The following EYS variants were observed in gnomAD, a reference collection of about 807,000 sequenced individuals.
The protein encoded by EYS is EGF-like photoreceptor maintenance factor, also known as protein eyes shut homolog.
A neutral mutation model predicts 282.1 loss-of-function variants in EYS; 250 were observed. The ratio of observed to expected loss-of-function variants is 0.89; its 90% CI spans 0.80 to 0.98. The LOEUF is 0.98. Ranked by LOEUF, EYS falls within the 50% of genes least tolerant of loss-of-function variation. The probability of loss-of-function intolerance (pLI) is 0.00; values close to 1 mark genes in which losing one functional copy is unlikely to be tolerated. For missense variants in EYS, 4,016 were observed against 3,709.0 expected (o/e 1.08, Z -2.15); for synonymous variants, 1,355 against 1,282.9 (o/e 1.06, Z -1.20).
At chr6:63,810,723 G>A (rs1470873266) in intron 36 of EYS, among the ~76,000 whole-genome samples, 2 of 152,168 alleles carry the variant, frequency 1.3e-5, no homozygotes, top group African/African-American at 4.8e-5. Context: ...CAATTCAAGT[G>A]GGCAAACCTC....
chr6:64,561,548 C>T (rs1765394424), intron 26 of EYS, among the ~76,000 whole-genome samples: 1 of 151,906 alleles, frequency 6.6e-6, no homozygotes, highest in African/African-American at 2.4e-5. Flanking sequence ...AACCAAGAAC[C>T]ATATCAGATA....
At chr6:64,541,687 G>T (rs1764699188) in intron 26 of EYS, among the ~76,000 whole-genome samples, 1 of 151,966 alleles carries the variant, frequency 6.6e-6, no homozygotes. Context: ...TTCAGGAAAG[G>T]TTCTTTTTCC....
chr6:65,651,118 T>A (rs1231401165), intron 1 of EYS, among the ~76,000 whole-genome samples: 1 of 152,012 alleles, frequency 6.6e-6, no homozygotes, highest in African/African-American at 2.4e-5. Flanking sequence ...GTGGCAAAAG[T>A]CTTAGAGAAT....
intron 12 of EYS, among the ~76,000 whole-genome samples, chr6:65,059,626 G>C (rs145128818): frequency 2.0e-5 from 3 of 152,122 alleles, no homozygotes; most frequent in African/African-American, 7.2e-5. Flanking sequence ...AAGAGGCAAA[G>C]AAAGAATTTA....
At chr6:65,198,198 C>T (rs536807824) in intron 12 of EYS, among the ~76,000 whole-genome samples, 1 of 152,170 alleles carries the variant, frequency 6.6e-6, no homozygotes, top group Admixed American at 6.6e-5. Flanking sequence ...ATATCACTGT[C>T]TTCTACCGCC....
chr6:64,219,922 A>G (rs1443289982), intron 31 of EYS, among the ~76,000 whole-genome samples: 1 of 152,070 alleles, frequency 6.6e-6, no homozygotes, highest in African/African-American at 2.4e-5. Flanking sequence ...TCAGCAAACT[A>G]CTGCAAGCAC....
chr6:65,536,145 A>C (rs1377912408), intron 2 of EYS, among the ~76,000 whole-genome samples: 2 of 152,100 alleles, frequency 1.3e-5, no homozygotes, highest in East Asian at 3.9e-4. Context: ...TAAATAGATA[A>C]ATTTGAGAAT....
intron 33 of EYS, among the ~76,000 whole-genome samples, chr6:64,060,113 G>C (rs1771114332): frequency 6.6e-6 from 1 of 152,142 alleles, no homozygotes; most frequent in Admixed American, 6.5e-5. Context: ...TCTGTTTCAA[G>C]AAGTGAAGGC....
intron 12 of EYS, among the ~76,000 whole-genome samples, chr6:65,215,059 ATTGT>A (rs145490138): frequency 0.032 from 4,938 of 152,282 alleles, 106 homozygotes; most frequent in African/African-American, 0.057. Context: ...GGAGATTAAT[ATTGT>A]TTTCATCCCT....
rs9342343 is a variant in EYS, at chr6:64,622,069, A to G, written c.3568+4052T>C. ...AGCTCAAAAACCCATTTAATTCCCTATATAGGTACAGGATGAACTCTGTGA... is the reference window on the plus strand; with the variant it reads ...AGCTCAAAAACCCATTTAATTCCCTGTATAGGTACAGGATGAACTCTGTGA... On this transcript the variant is annotated intron_variant, in intron 23 of 42. Coordinates refer to ENST00000503581, the MANE Select transcript of EYS (RefSeq NM_001142800.2). Among the ~76,000 whole-genome samples the G allele has an allele frequency of 1.6e-3, 249 of 152,244 alleles. 5 individuals carry two copies. In the East Asian group the frequency reaches 0.031, roughly 19 times the overall value.
At chr6:65,033,376 A>AAGG in intron 13 of EYS, among the ~76,000 whole-genome samples, 1 of 152,156 alleles carries the variant, frequency 6.6e-6, no homozygotes, top group East Asian at 1.9e-4. Context: ...AGAGCAATGG[A>AAGG]AAACATGCCT....
intron 1 of EYS, among the ~76,000 whole-genome samples, chr6:65,664,298 G>A (rs559334326): frequency 2.0e-5 from 3 of 152,134 alleles, no homozygotes; most frequent in Non-Finnish European, 4.4e-5. Flanking sequence ...CATGCACACA[G>A]AAGAAAGGGC....
intron 2 of EYS, among the ~76,000 whole-genome samples, chr6:65,531,811 C>A (rs766981420): frequency 4.6e-5 from 7 of 152,052 alleles, no homozygotes; most frequent in Admixed American, 6.6e-5. Flanking sequence ...TAATTAGGAG[C>A]CACCATAAGA....
chr6:65,370,300 G>C (rs1376017309), intron 8 of EYS, among the ~76,000 whole-genome samples: 1 of 130,660 alleles, frequency 7.7e-6, no homozygotes, highest in Non-Finnish European at 1.6e-5. Flanking sequence ...TATTACCCCA[G>C]GATGAAGTGC....
intron 13 of EYS, among the ~76,000 whole-genome samples, chr6:65,045,706 T>A (rs1459370113): frequency 6.6e-6 from 1 of 151,840 alleles, no homozygotes; most frequent in African/African-American, 2.4e-5. Context: ...TTGTTGTTTA[T>A]AAGCCACTTA....
intron 13 of EYS, among the ~76,000 whole-genome samples, chr6:65,043,092 G>C (rs1030876749): frequency 2.0e-5 from 3 of 151,232 alleles, no homozygotes; most frequent in African/African-American, 4.8e-5. Flanking sequence ...GTGATTTTTT[G>C]TTAAATCATA....
At chr6:64,685,028 A>G (rs1770039578) in intron 22 of EYS, among the ~76,000 whole-genome samples, 1 of 152,132 alleles carries the variant, frequency 6.6e-6, no homozygotes, top group Non-Finnish European at 1.5e-5. Flanking sequence ...ACAGACTAAT[A>G]TAAGAGATGT....
At position 64,593,259 on chromosome 6, in the gene EYS, A is replaced by G. The variant is rs1455066892; in HGVS notation, c.3735T>C (p.Cys1245=). ...CTGTTCTTTGAAAGATGGGAGTTAA[A>G]CAGGTAATTCTCCTTATTTCATCAC... is the stretch of plus-strand genomic sequence containing the variant. ...LCGDEIRRIT[C]LTPIFQRTDP... The change falls in exon 25 of 43, where the codon TGT becomes TGC. Residue 1245 remains cysteine (C), a synonymous_variant. Coordinates refer to ENST00000503581, the MANE Select transcript of EYS (RefSeq NM_001142800.2). 6.4e-7 allele frequency: 1 copy of G among 1,550,722 alleles called. No individual in the cohort carries two copies. Among genetic ancestry groups the G allele is most frequent in the Non-Finnish European group, 8.7e-7 (1 of 1,146,444 alleles).
At position 63,784,427 on chromosome 6, in the gene EYS, A is replaced by G. The variant is rs319921; in HGVS notation, c.7723+3678T>C. On this transcript the variant is annotated intron_variant, in intron 39 of 42. Transcript: ENST00000503581. ...GTCAGGGGTGTTAGTCCATTCTCAC[A>G]TTGCTGTAACTTACTACCTGAAACT... 6.3e-3 allele frequency among the ~76,000 whole-genome samples: 964 copies of G among 152,276 alleles called. 9 individuals carry two copies. The highest frequency in any genetic ancestry group is 0.022 in the African/African-American group (900 of 41,556).
Sources: allele counts gnomAD v4.1 joint callset (sites outside exome capture counted in the v4.1 genomes callset), GRCh38; gene constraint gnomAD v4.1.1; transcripts MANE v1.5; gene names NCBI Gene and HGNC (gene_info 2026-07-23, HGNC 2026-07-21).